The following SHISA6 variants were observed in gnomAD, a reference collection of about 807,000 sequenced individuals.
SHISA6 encodes protein shisa-6.
In SHISA6, 22 loss-of-function variants were observed where a neutral mutation model predicts 47.9. The observed-to-expected ratio is 0.46, with a 90% CI of 0.33 to 0.66. The LOEUF (loss-of-function observed/expected upper bound fraction) is 0.66. Ranked by LOEUF, SHISA6 falls within the 30% of genes least tolerant of loss-of-function variation. SHISA6 has a pLI of 0.02. For missense variants in SHISA6, 680 were observed against 764.6 expected (o/e 0.89, Z 1.30); for synonymous variants, 388 against 337.8 (o/e 1.15, Z -1.63).
At chr17:11,455,772 G>A (rs1174072467) in intron 3 of SHISA6, among the ~76,000 whole-genome samples, 1 of 152,130 alleles carries the variant, frequency 6.6e-6, no homozygotes, top group African/African-American at 2.4e-5. Flanking sequence ...CACTACGCTG[G>A]GTACTATTTG....
chr17:11,330,813 C>T (rs1188900999), intron 2 of SHISA6, among the ~76,000 whole-genome samples: 2 of 152,082 alleles, frequency 1.3e-5, no homozygotes, highest in East Asian at 3.9e-4. Context: ...TTAGGTTGGC[C>T]TTCGTCTTTG....
intron 1 of SHISA6, among the ~76,000 whole-genome samples, chr17:11,259,261 T>C: frequency 6.6e-6 from 1 of 152,164 alleles, no homozygotes; most frequent in East Asian, 1.9e-4. Flanking sequence ...GGAATGTGAA[T>C]TCAGCACTTA....
chr17:11,310,756 C>G lies in SHISA6; in HGVS notation c.799+47230C>G, dbSNP rs143491870. On this transcript the variant is annotated intron_variant, in intron 2 of 5. Coordinates refer to ENST00000441885, the MANE Select transcript of SHISA6 (RefSeq NM_207386.4). ...TTGGGAGGCCGAGGTGGGCAGATCA[C>G]AAGGTCAGGAGTTCGAGACCAACCT... Among the ~76,000 whole-genome samples the G allele has an allele frequency of 8.5e-3, 1,291 of 152,216 alleles. 13 individuals carry two copies. Among genetic ancestry groups the G allele is most frequent in the South Asian group, 0.021 (99 of 4,820 alleles).
intron 3 of SHISA6, among the ~76,000 whole-genome samples, chr17:11,397,450 TTTTTTCTCTGAAGTTTGCCCAGTCC>T: frequency 7.1e-6 from 1 of 140,106 alleles, no homozygotes; most frequent in Non-Finnish European, 1.6e-5. Flanking sequence ...TTTAATTTTG[TTTTTTCTCTGAAGTTTGCCCAGTCC>T]TCTCTTGGCT....
At chr17:11,350,822 A>T (rs956344139) in intron 2 of SHISA6, among the ~76,000 whole-genome samples, 1 of 152,164 alleles carries the variant, frequency 6.6e-6, no homozygotes, top group Non-Finnish European at 1.5e-5. Flanking sequence ...AAATCATTCT[A>T]CTATGAAGAC....
chr17:11,290,279 A>T (rs1292853187), intron 2 of SHISA6: 1 of 151,992 alleles, frequency 6.6e-6, no homozygotes, highest in Non-Finnish European at 1.5e-5. Context: ...ACTTAAGAGT[A>T]TCTTCACAAT....
At position 11,558,155 on chromosome 17, in the gene SHISA6, A is replaced by G. The variant is rs772871358; in HGVS notation, c.1507A>G (p.Asn503Asp). 1 of 1,549,864 alleles carries G rather than the reference A, an allele frequency of 6.5e-7. No homozygotes were observed. The change falls in exon 6 of 6, where the codon AAT becomes GAT. Residue 503 changes from asparagine (N) to aspartate (D), a missense_variant. Asn to Asp is a conservative substitution (Grantham distance 23). Transcript: ENST00000441885. ...GATGCACTCTCATCCCAGTGCCTCC[A>G]ATAACTCATACGCCACCCTGGGCCA... ...SKMHSHPSASNNSYATLGQSQ... is the reference protein window; with the variant it reads ...SKMHSHPSASDNSYATLGQSQ...
intron 2 of SHISA6, among the ~76,000 whole-genome samples, chr17:11,364,536 G>A (rs1315721309): frequency 6.6e-6 from 1 of 152,104 alleles, no homozygotes; most frequent in Non-Finnish European, 1.5e-5. Flanking sequence ...TTTCACATAA[G>A]TATTTCACAT....
chr17:11,518,876 A>G (rs2071606509), intron 3 of SHISA6, among the ~76,000 whole-genome samples: 1 of 151,946 alleles, frequency 6.6e-6, no homozygotes, highest in Non-Finnish European at 1.5e-5. Flanking sequence ...TCTCCTTTCA[A>G]CTCCCAGCTG....
At chr17:11,460,679 G>A (rs1915668590) in intron 3 of SHISA6, among the ~76,000 whole-genome samples, 1 of 152,192 alleles carries the variant, frequency 6.6e-6, no homozygotes, top group Non-Finnish European at 1.5e-5. Context: ...GCATGAGCCA[G>A]TGATGAGTTT....
intron 1 of SHISA6, among the ~76,000 whole-genome samples, chr17:11,245,238 G>T (rs1907530304): frequency 6.6e-6 from 1 of 152,222 alleles, no homozygotes; most frequent in Admixed American, 6.5e-5. Context: ...GGCAGAGCTG[G>T]GTGCTGGATG....
At chr17:11,544,051 C>T (rs544872534) in intron 3 of SHISA6, among the ~76,000 whole-genome samples, 59 of 148,738 alleles carry the variant, frequency 4.0e-4, no homozygotes, top group African/African-American at 1.4e-3. Flanking sequence ...AAGTCTCCTA[C>T]CTCATATAAA....
At chr17:11,342,117 G>C (rs544023795) in intron 2 of SHISA6, among the ~76,000 whole-genome samples, 84 of 152,216 alleles carry the variant, frequency 5.5e-4, no homozygotes, top group African/African-American at 2.0e-3. Flanking sequence ...GGTGATGGGG[G>C]AGAAGCCTCC....
intron 1 of SHISA6, among the ~76,000 whole-genome samples, chr17:11,253,432 G>A (rs1417853854): frequency 1.3e-5 from 2 of 152,126 alleles, no homozygotes; most frequent in Middle Eastern, 3.4e-3. Context: ...GTTTACAGGC[G>A]GGCTCTTAGT....
At chr17:11,342,814 G>A (rs1010925720) in intron 2 of SHISA6, among the ~76,000 whole-genome samples, 1 of 152,200 alleles carries the variant, frequency 6.6e-6, no homozygotes, top group African/African-American at 2.4e-5. Context: ...GGCAGAGACA[G>A]TCCTGTTGTG....
intron 2 of SHISA6, among the ~76,000 whole-genome samples, chr17:11,332,684 G>A (rs770082948): frequency 1.4e-4 from 21 of 152,240 alleles, no homozygotes; most frequent in Non-Finnish European, 2.9e-5. Flanking sequence ...GCCACCTCCT[G>A]CAGGTTTCCA....
intron 3 of SHISA6, among the ~76,000 whole-genome samples, chr17:11,410,248 A>G (rs906252812): frequency 6.6e-6 from 1 of 152,196 alleles, no homozygotes; most frequent in Non-Finnish European, 1.5e-5. Flanking sequence ...AATGCCCTCA[A>G]TCAACAACCC....
chr17:11,248,216 ACT>A (rs1027948508), intron 1 of SHISA6, among the ~76,000 whole-genome samples: 6 of 152,148 alleles, frequency 3.9e-5, no homozygotes, highest in Non-Finnish European at 8.8e-5. Context: ...TACATTGCTA[ACT>A]CTATTTTTTT....
chr17:11,372,965 C>T (rs1357562893), intron 2 of SHISA6, among the ~76,000 whole-genome samples: 3 of 151,846 alleles, frequency 2.0e-5, no homozygotes, highest in African/African-American at 7.3e-5. Context: ...ACTTTTATTA[C>T]CCTGTTTTTA....
Sources: allele counts gnomAD v4.1 joint callset (sites outside exome capture counted in the v4.1 genomes callset), GRCh38; gene constraint gnomAD v4.1.1; transcripts MANE v1.5; gene names NCBI Gene and HGNC (gene_info 2026-07-23, HGNC 2026-07-21).